The following MYRIP variants were observed in gnomAD, a reference collection of about 807,000 sequenced individuals.
MYRIP encodes rab effector MyRIP.
In MYRIP, 49 loss-of-function variants were observed where a neutral mutation model predicts 98.0. The ratio of observed to expected loss-of-function variants is 0.50; its 90% CI spans 0.40 to 0.63. The LOEUF is 0.63. MYRIP is among the 30% of genes least tolerant of loss of function. MYRIP has a pLI of 0.00. For missense variants in MYRIP, 1,004 were observed against 1,058.2 expected (o/e 0.95, Z 0.71); for synonymous variants, 404 against 409.5 (o/e 0.99, Z 0.16).
At chr3:40,239,014 G>C (rs1363744489) in intron 12 of MYRIP, among the ~76,000 whole-genome samples, 1 of 150,234 alleles carries the variant, frequency 6.7e-6, no homozygotes. Context: ...CCACTAACTC[G>C]TCATCTAGCA....
chr3:39,925,818 A>G lies in MYRIP; in HGVS notation c.110+24892A>G, dbSNP rs115819285. On this transcript the variant is annotated intron_variant, in intron 2 of 16. Transcript: ENST00000302541. The stretch of plus-strand genomic sequence containing the variant: ...TGAGTGCATATGTCTTTTTTGCAGA[A>G]CAATTCATTTTCCTTAGGGTATATA... Among the ~76,000 whole-genome samples the G allele has an allele frequency of 8.3e-3, 1,269 of 152,206 alleles. 19 individuals are homozygous for G. Among genetic ancestry groups the G allele is most frequent in the African/African-American group, 0.029 (1,215 of 41,560 alleles).
intron 1 of MYRIP, among the ~76,000 whole-genome samples, chr3:39,857,522 AG>A (rs1192467697): frequency 6.6e-6 from 1 of 152,202 alleles, no homozygotes; most frequent in Non-Finnish European, 1.5e-5. Context: ...CTGAACTCTA[AG>A]ACAGGTCAAT....
intron 8 of MYRIP, among the ~76,000 whole-genome samples, chr3:40,179,741 C>T (rs1224668235): frequency 6.6e-6 from 1 of 152,168 alleles, no homozygotes; most frequent in Admixed American, 6.5e-5. Context: ...CATCCCTGCC[C>T]TCATGGAGTT....
At chr3:40,069,192 G>C (rs1307968551) in intron 3 of MYRIP, among the ~76,000 whole-genome samples, 1 of 152,058 alleles carries the variant, frequency 6.6e-6, no homozygotes, top group Non-Finnish European at 1.5e-5. Flanking sequence ...CACATGTTTT[G>C]GGGATGCACC....
At chr3:40,137,647 C>T (rs998252693) in intron 3 of MYRIP, among the ~76,000 whole-genome samples, 2 of 152,098 alleles carry the variant, frequency 1.3e-5, no homozygotes, top group African/African-American at 4.8e-5. Flanking sequence ...AAAATACTGG[C>T]AAACCAAATC....
chr3:40,147,862 T>C (rs1413898417), intron 3 of MYRIP, among the ~76,000 whole-genome samples: 1 of 152,220 alleles, frequency 6.6e-6, no homozygotes, highest in Non-Finnish European at 1.5e-5. Flanking sequence ...CCAGATCTGC[T>C]GCATCAAATC....
At chr3:40,062,998 T>C (rs1412321384) in intron 3 of MYRIP, among the ~76,000 whole-genome samples, 1 of 152,144 alleles carries the variant, frequency 6.6e-6, no homozygotes, top group Admixed American at 6.5e-5. Context: ...GATTAAAGAA[T>C]TTGAAGGAAA....
At chr3:40,168,880 T>C (rs1052346283) in intron 7 of MYRIP, among the ~76,000 whole-genome samples, 3 of 152,228 alleles carry the variant, frequency 2.0e-5, no homozygotes, top group Non-Finnish European at 2.9e-5. Context: ...CACTAGAAAG[T>C]GCCGTATGCA....
chr3:39,908,766 C>T (rs2125678313), intron 2 of MYRIP, among the ~76,000 whole-genome samples: 1 of 152,326 alleles, frequency 6.6e-6, no homozygotes, highest in African/African-American at 2.4e-5. Context: ...GTTCTGAACA[C>T]TTAAATTAAG....
chr3:39,940,302 C>T (rs1313094670), intron 2 of MYRIP, among the ~76,000 whole-genome samples: 1 of 151,770 alleles, frequency 6.6e-6, no homozygotes, highest in Non-Finnish European at 1.5e-5. Context: ...TCAGATGGTG[C>T]CAGGTAATGT....
intron 11 of MYRIP, among the ~76,000 whole-genome samples, chr3:40,220,110 T>C (rs1391905599): frequency 6.6e-6 from 1 of 151,982 alleles, no homozygotes; most frequent in Non-Finnish European, 1.5e-5. Flanking sequence ...TTTTCATATG[T>C]TTTTTGGCTG....
chr3:40,237,914 A>G (rs1165011634), intron 12 of MYRIP, among the ~76,000 whole-genome samples: 1 of 152,268 alleles, frequency 6.6e-6, no homozygotes, highest in Non-Finnish European at 1.5e-5. Flanking sequence ...TCCAAGGAGC[A>G]TGTTGAAAAG....
At position 40,169,932 on chromosome 3, in the gene MYRIP, T is replaced by G; in HGVS notation, c.730-18T>G. The G allele has an allele frequency of 6.2e-7, 1 of 1,614,092 alleles. No individual in the cohort carries two copies. The highest frequency in any genetic ancestry group is 8.5e-7 in the Non-Finnish European group (1 of 1,179,976). ...GCCTCTCCAATAACTTGCCCCTTTT[T>G]TGTCCTCCCCTCCCCAGATTATACG... On this transcript the variant is annotated intron_variant, in intron 7 of 16. Coordinates refer to ENST00000302541, the MANE Select transcript of MYRIP (RefSeq NM_015460.4).
intron 2 of MYRIP, among the ~76,000 whole-genome samples, chr3:39,984,647 T>C (rs1375779599): frequency 3.3e-5 from 5 of 152,176 alleles, no homozygotes; most frequent in African/African-American, 1.2e-4. Context: ...TTGGGTTGGT[T>C]CCAAGTCTTT....
intron 2 of MYRIP, among the ~76,000 whole-genome samples, chr3:40,041,193 T>C (rs1947522256): frequency 7.4e-6 from 1 of 134,642 alleles, no homozygotes; most frequent in Non-Finnish European, 1.6e-5. Flanking sequence ...AGTTAGGAAA[T>C]CATGTTGGTC....
chr3:40,088,716 G>A (rs1948679776), intron 3 of MYRIP, among the ~76,000 whole-genome samples: 1 of 152,240 alleles, frequency 6.6e-6, no homozygotes, highest in Middle Eastern at 3.2e-3. Flanking sequence ...GGAGCCTGTG[G>A]CTGGGAAGAA....
chr3:40,232,669 A>T (rs1481616527), intron 11 of MYRIP, among the ~76,000 whole-genome samples: 1 of 152,256 alleles, frequency 6.6e-6, no homozygotes, highest in Non-Finnish European at 1.5e-5. Context: ...GCCAAGCAAC[A>T]GTGATCTCCA....
At chr3:40,077,242 C>T (rs1948364608) in intron 3 of MYRIP, among the ~76,000 whole-genome samples, 1 of 152,068 alleles carries the variant, frequency 6.6e-6, no homozygotes, top group East Asian at 1.9e-4. Flanking sequence ...TTGCAAAGAG[C>T]GAAAGAACAA....
intron 2 of MYRIP, among the ~76,000 whole-genome samples, chr3:40,024,529 T>C (rs1322201512): frequency 6.6e-6 from 1 of 151,734 alleles, no homozygotes; most frequent in Non-Finnish European, 1.5e-5. Flanking sequence ...GCCTACAGAC[T>C]TGGAATTGTG....
Sources: gnomAD v4.1 joint callset for allele counts (sites outside exome capture counted in the v4.1 genomes callset) on GRCh38, gnomAD v4.1.1 for gene constraint, MANE v1.5 for transcripts, NCBI Gene and HGNC (gene_info 2026-07-23, HGNC 2026-07-21) for gene names.